MPHOSPH9: variants seen among roughly 807,000 people sequenced by gnomAD.
The protein encoded by MPHOSPH9 is M-phase phosphoprotein 9.
In MPHOSPH9, 88 loss-of-function variants were observed where a neutral mutation model predicts 145.5. The ratio of observed to expected loss-of-function variants is 0.60; its 90% CI spans 0.51 to 0.72. The LOEUF is 0.72. Among genes scored for constraint, MPHOSPH9 ranks in the 30% least tolerant of loss-of-function variants. MPHOSPH9 has a pLI of 0.00. For synonymous variants in MPHOSPH9, 435 were observed against 486.2 expected, an observed-to-expected ratio of 0.89 and a Z score of 1.39; for missense variants, 1,238 against 1,386.6, an observed-to-expected ratio of 0.89 and a Z score of 1.70.
At position 123,160,445 on chromosome 12, in the gene MPHOSPH9, T is replaced by C. The variant is rs2044060083; in HGVS notation, c.3450+336A>G. 3.5e-5 allele frequency: 8 copies of C among 228,030 alleles called. No homozygotes were observed. In the South Asian group the frequency reaches 8.0e-4, roughly 23 times the overall value. The allele number at this position is 228,030 out of a possible 1,614,324, so 14.1% of individuals were successfully genotyped here. A position where few individuals can be genotyped will look rare whatever the true frequency, so the allele number is the denominator to read the frequency against. On this transcript the variant is annotated intron_variant, in intron 23 of 23. Coordinates refer to ENST00000606320, the MANE Select transcript of MPHOSPH9 (RefSeq NM_022782.4). ...AATTACAGATTTGAGGAGGGAGAAATCAAACAAAAAGAGAGGCAATCTGTG... is the reference window on the plus strand; with the variant it reads ...AATTACAGATTTGAGGAGGGAGAAACCAAACAAAAAGAGAGGCAATCTGTG...
intron 8 of MPHOSPH9, among the ~76,000 whole-genome samples, chr12:123,204,134 C>T (rs1304010675): frequency 3.3e-5 from 5 of 152,152 alleles, no homozygotes; most frequent in Non-Finnish European, 5.9e-5. Context: ...GAAACCCTGT[C>T]TCTACTAAAA....
chr12:123,156,875 G>T lies in MPHOSPH9; in HGVS notation c.3484C>A (p.Arg1162=), dbSNP rs757482974. The T allele has an allele frequency of 2.5e-6, 4 of 1,609,590 alleles. No individual in the cohort carries two copies. The highest frequency in any genetic ancestry group is 1.3e-5 in the African/African-American group (1 of 74,866). Residue 1162 remains arginine, a synonymous_variant, in exon 24 of 24, where the codon CGA becomes AGA. Transcript: ENST00000606320. Reference sequence around the variant, plus strand: ...GTCATGCGAACTGAACCCAGTTCTCGATTAATCCTTTCCAAACGATCTTCC... The same window carrying T: ...GTCATGCGAACTGAACCCAGTTCTCTATTAATCCTTTCCAAACGATCTTCC... ...ALEDRLERIN[R]ELGSVRMTLK...
rs1476247614 is a variant in MPHOSPH9, at chr12:123,230,036, G to C, written c.104+225C>G. The C allele has an allele frequency of 9.8e-6, 3 of 306,070 alleles. No individual in the cohort carries two copies. In the East Asian group the frequency reaches 2.2e-4, roughly 23 times the overall value. 19.0% of individuals were successfully genotyped at this position (306,070 alleles called of 1,614,324 possible). ...GAGGCTTCACCATGTTAGCCAGGCT[G>C]GTCTCCAACTCCTGGCCTCAGGTGA... On this transcript the variant is annotated intron_variant, in intron 2 of 23. Coordinates refer to ENST00000606320, the MANE Select transcript of MPHOSPH9 (RefSeq NM_022782.4).
At chr12:123,242,123 T>C (rs554922718) in intron 1 of MPHOSPH9, among the ~76,000 whole-genome samples, 6 of 152,336 alleles carry the variant, frequency 3.9e-5, no homozygotes. Flanking sequence ...ATGTTCCCTT[T>C]TGTAAATTCC....
At chr12:123,213,445 T>A (rs2046831092) in intron 7 of MPHOSPH9, among the ~76,000 whole-genome samples, 1 of 152,084 alleles carries the variant, frequency 6.6e-6, no homozygotes. Flanking sequence ...ACTCAAGCAA[T>A]CTTCCCATTT....
At chr12:123,185,260 A>G (rs2045391332) in intron 13 of MPHOSPH9, among the ~76,000 whole-genome samples, 1 of 152,180 alleles carries the variant, frequency 6.6e-6, no homozygotes, top group South Asian at 2.1e-4. Flanking sequence ...AGAAATAACA[A>G]CATTAGATTC....
chr12:123,164,446 G>A (rs1171949403), intron 18 of MPHOSPH9, among the ~76,000 whole-genome samples: 2 of 152,152 alleles, frequency 1.3e-5, no homozygotes, highest in Non-Finnish European at 2.9e-5. Flanking sequence ...CCGCAAAGAC[G>A]CTGGCAGGAT....
chr12:123,202,138 C>T (rs1342216771), intron 11 of MPHOSPH9, 26 bp downstream of exon 11: 3 of 1,581,038 alleles, frequency 1.9e-6, no homozygotes, highest in East Asian at 4.5e-5. Flanking sequence ...GTGGAGAAAA[C>T]TTCACAGCTA....
chr12:123,237,900 C>CTTT (rs34786765), upstream of MPHOSPH9, among the ~76,000 whole-genome samples: 8 of 147,912 alleles, frequency 5.4e-5, no homozygotes, highest in Non-Finnish European at 9.0e-5. Flanking sequence ...CACCAAAACA[C>CTTT]TTTTTTTTTT....
chr12:123,235,789 C>T (rs2047841470), upstream of MPHOSPH9, among the ~76,000 whole-genome samples: 2 of 151,816 alleles, frequency 1.3e-5, no homozygotes, highest in South Asian at 2.1e-4. Context: ...GTTGGCCGGG[C>T]GTGGTGGCTC....
intron 12 of MPHOSPH9, 76 bp downstream of exon 12, chr12:123,198,171 C>A: frequency 9.0e-7 from 1 of 1,109,410 alleles, no homozygotes; most frequent in South Asian, 1.4e-5. Flanking sequence ...CTTAAAAAGA[C>A]AAGAAACATA....
At chr12:123,228,932 C>T (rs570941630) in intron 2 of MPHOSPH9, among the ~76,000 whole-genome samples, 31 of 152,272 alleles carry the variant, frequency 2.0e-4, no homozygotes, top group African/African-American at 5.8e-4. Flanking sequence ...AACCAAAATG[C>T]GTGGCCAACT....
In MPHOSPH9 at chr12:123,223,139, T is replaced by C. The variant is rs1384205593; in HGVS notation, c.259-12A>G. The C allele has an allele frequency of 7.6e-6, 10 of 1,322,038 alleles. No homozygotes were observed. Among genetic ancestry groups the C allele is most frequent in the African/African-American group, 6.1e-5 (4 of 65,328 alleles). The allele number at this position is 1,322,038 out of a possible 1,614,324, so 81.9% of individuals were successfully genotyped here. A position where few individuals can be genotyped will look rare whatever the true frequency, so the allele number is the denominator to read the frequency against. On this transcript the variant is annotated splice_polypyrimidine_tract_variant and intron_variant, in intron 3 of 23. Transcript: ENST00000606320. ...TGTAACCACCTGGTCTATTAAATTATAAAATATTTTAGTTAAAAATAATTT... is the reference window on the plus strand; with the variant it reads ...TGTAACCACCTGGTCTATTAAATTACAAAATATTTTAGTTAAAAATAATTT...
chr12:123,219,693 T>A (rs941959159), intron 5 of MPHOSPH9, among the ~76,000 whole-genome samples: 2 of 151,988 alleles, frequency 1.3e-5, no homozygotes, highest in Non-Finnish European at 2.9e-5. Flanking sequence ...TTGGCATAAA[T>A]CAATCATTAT....
chr12:123,207,354 C>T (rs1023640118), intron 8 of MPHOSPH9, among the ~76,000 whole-genome samples: 1 of 151,988 alleles, frequency 6.6e-6, no homozygotes, highest in African/African-American at 2.4e-5. Context: ...TCTTACCCCC[C>T]TCATACTTCA....
chr12:123,176,377 C>A (rs918624410), intron 16 of MPHOSPH9, among the ~76,000 whole-genome samples: 5 of 152,162 alleles, frequency 3.3e-5, no homozygotes, highest in African/African-American at 1.2e-4. Flanking sequence ...GATGTTCTAG[C>A]CCCTTGTCCT....
intron 19 of MPHOSPH9, 75 bp from the exon 20 acceptor site, chr12:123,163,209 T>G (rs2137892150): frequency 1.4e-6 from 2 of 1,397,908 alleles, no homozygotes; most frequent in Non-Finnish European, 9.6e-7. Flanking sequence ...ATTCAGTATT[T>G]TTTTTCTAAT....
At chr12:123,174,595 A>C (rs953210532) in intron 16 of MPHOSPH9, among the ~76,000 whole-genome samples, 2 of 151,874 alleles carry the variant, frequency 1.3e-5, no homozygotes, top group Non-Finnish European at 2.9e-5. Context: ...GATGGTCTCG[A>C]TCTCCTGACC....
chr12:123,155,549 C>A lies in MPHOSPH9; in HGVS notation c.*1258G>T, dbSNP rs1472467016. 6.6e-6 allele frequency: 1 copy of A among 152,226 alleles called. No individual in the cohort carries two copies. Among genetic ancestry groups the A allele is most frequent in the Non-Finnish European group, 1.5e-5 (1 of 68,038 alleles). The allele number at this position is 152,226 out of a possible 1,614,324, so 9.4% of individuals were successfully genotyped here. A position where few individuals can be genotyped will look rare whatever the true frequency, so the allele number is the denominator to read the frequency against. On this transcript the variant is annotated 3_prime_UTR_variant, in exon 24 of 24. Transcript: ENST00000606320. ...ATTTAAAACCTGAGCATGTTTAGTA[C>A]GAATCCATTTTGAAAGTTTGGATGA...
Sources: gnomAD v4.1 joint callset for allele counts (sites outside exome capture counted in the v4.1 genomes callset) on GRCh38, gnomAD v4.1.1 for gene constraint, MANE v1.5 for transcripts, NCBI Gene and HGNC (gene_info 2026-07-23, HGNC 2026-07-21) for gene names.